VWA8: variants seen among roughly 807,000 people sequenced by gnomAD.
VWA8 encodes the protein von Willebrand factor A domain containing 8.
VWA8 carries 221 observed loss-of-function variants against 241.5 expected under a neutral mutation model. That is an observed-to-expected ratio of 0.91 (90% CI 0.82 to 1.02). The LOEUF (loss-of-function observed/expected upper bound fraction) is 1.02, where lower values mean the gene tolerates loss of function less well. VWA8 is among the 50% of genes least tolerant of loss of function. The pLI is 0.00. For synonymous variants in VWA8, 852 were observed against 827.1 expected, an observed-to-expected ratio of 1.03 and a Z score of -0.52; for missense variants, 2,322 against 2,328.7, an observed-to-expected ratio of 1.00 and a Z score of 0.06.
At chr13:41,842,962 C>A (rs1206440294) in intron 12 of VWA8, among the ~76,000 whole-genome samples, 1 of 152,178 alleles carries the variant, frequency 6.6e-6, no homozygotes, top group African/African-American at 2.4e-5. Context: ...CTGGTACTAC[C>A]ATTCCTTACT....
chr13:41,920,833 C>T (rs866959542), intron 2 of VWA8, among the ~76,000 whole-genome samples: 115 of 152,296 alleles, frequency 7.6e-4, no homozygotes, highest in African/African-American at 2.7e-3. Flanking sequence ...CAGATGGATT[C>T]ACAGCCAAAT....
At position 41,830,584 on chromosome 13, in the gene VWA8, T is replaced by C. The variant is rs757021872; in HGVS notation, c.1645A>G (p.Arg549Gly). 4 of 1,613,946 alleles carry C rather than the reference T, an allele frequency of 2.5e-6. No homozygotes were observed. The Admixed American group carries it at 5.0e-5, about 20-fold the overall frequency. ...AGCTCCTCCTTTAAACGCATATACC[T>C]GTCTTCTCTCAGCAGCCTAGAACCA... Reference protein sequence around the residue: ...YDGSRLLREDRYMRLKEELQL... With the variant: ...YDGSRLLREDGYMRLKEELQL... The change falls in exon 14 of 45, where the codon AGG (arginine) becomes GGG (glycine). Residue 549 changes from arginine to glycine, a missense_variant. Coordinates refer to ENST00000379310, the MANE Select transcript of VWA8 (RefSeq NM_015058.2).
At chr13:41,809,691 G>A (rs7984694) in intron 17 of VWA8, among the ~76,000 whole-genome samples, 3,184 of 152,172 alleles carry the variant, frequency 0.021, 106 homozygotes, top group African/African-American at 0.071. Context: ...CATTGGTCAG[G>A]ACAAATATTT....
At chr13:41,835,228 C>A (rs1871666645) in intron 12 of VWA8, among the ~76,000 whole-genome samples, 1 of 152,024 alleles carries the variant, frequency 6.6e-6, no homozygotes, top group African/African-American at 2.4e-5. Flanking sequence ...TGCACATGTA[C>A]CTCTGAACTC....
At chr13:41,819,128 A>C (rs980094793) in intron 15 of VWA8, 90 bp downstream of exon 15, 1 of 1,372,260 alleles carries the variant, frequency 7.3e-7, no homozygotes, top group African/African-American at 1.5e-5. Flanking sequence ...AAAAACTAAA[A>C]ATGTCTAACT....
intron 43 of VWA8, among the ~76,000 whole-genome samples, chr13:41,573,123 A>G (rs955265845): frequency 1.3e-5 from 2 of 150,440 alleles, no homozygotes; most frequent in South Asian, 2.1e-4. Flanking sequence ...AAAAAAAAAA[A>G]AAAAGAAACA....
intron 44 of VWA8, among the ~76,000 whole-genome samples, chr13:41,568,662 G>A (rs1305240836): frequency 2.0e-5 from 3 of 152,250 alleles, no homozygotes; most frequent in East Asian, 3.9e-4. Context: ...CTCACCTCCC[G>A]GGTCTAGCAA....
At chr13:41,671,801 G>T (rs73466947) in intron 36 of VWA8, among the ~76,000 whole-genome samples, 5,203 of 152,176 alleles carry the variant, frequency 0.034, 293 homozygotes, top group African/African-American at 0.12. Flanking sequence ...CCTTCACTAG[G>T]AACTGAATTG....
chr13:41,907,446 A>T (rs772896727), intron 4 of VWA8, 140 bp downstream of exon 4: 2 of 568,346 alleles, frequency 3.5e-6, no homozygotes, highest in Admixed American at 7.4e-5. Context: ...TGAAACTAAA[A>T]ATCTAAATTA....
chr13:41,749,793 G>T (rs1052947099), intron 21 of VWA8, among the ~76,000 whole-genome samples: 2 of 148,872 alleles, frequency 1.3e-5, no homozygotes, highest in Admixed American at 1.3e-4. Flanking sequence ...CTCATAGGTG[G>T]GAAATGAACA....
intron 37 of VWA8, among the ~76,000 whole-genome samples, chr13:41,635,860 G>C (rs2044753313): frequency 6.6e-6 from 1 of 152,128 alleles, no homozygotes; most frequent in African/African-American, 2.4e-5. Context: ...ATTTCAGGCA[G>C]AAGGAACAGC....
intron 2 of VWA8, among the ~76,000 whole-genome samples, chr13:41,924,926 T>A (rs1342108552): frequency 6.6e-6 from 1 of 152,192 alleles, no homozygotes; most frequent in Non-Finnish European, 1.5e-5. Flanking sequence ...CTTAAAAGTC[T>A]CCAAACAGAT....
At chr13:41,656,509 T>C (rs765284246) in intron 37 of VWA8, among the ~76,000 whole-genome samples, 5 of 152,220 alleles carry the variant, frequency 3.3e-5, no homozygotes, top group Non-Finnish European at 5.9e-5. Flanking sequence ...ACGAATTTCA[T>C]TCAGAACCCC....
chr13:41,870,155 A>AT (rs1451058788), intron 9 of VWA8, among the ~76,000 whole-genome samples: 12 of 152,168 alleles, frequency 7.9e-5, no homozygotes, highest in African/African-American at 2.4e-4. Flanking sequence ...AAAAAGTTCT[A>AT]TATTTCATAC....
chr13:41,591,236 A>G (rs1052234082), intron 40 of VWA8, among the ~76,000 whole-genome samples: 2 of 152,240 alleles, frequency 1.3e-5, no homozygotes, highest in Non-Finnish European at 2.9e-5. Context: ...AGCTGAAAAC[A>G]ATAGTATGTG....
At chr13:41,762,349 A>C (rs998358503) in intron 20 of VWA8, among the ~76,000 whole-genome samples, 1 of 152,096 alleles carries the variant, frequency 6.6e-6, no homozygotes, top group Non-Finnish European at 1.5e-5. Flanking sequence ...CAACCTCACA[A>C]ATCAAGAAAC....
intron 21 of VWA8, among the ~76,000 whole-genome samples, chr13:41,750,357 C>T (rs186000453): frequency 5.3e-5 from 8 of 151,486 alleles, no homozygotes; most frequent in South Asian, 2.1e-4. Flanking sequence ...TGCTTGAACC[C>T]GGGAGGTGGA....
At chr13:41,811,800 C>G (rs1212992666) in intron 16 of VWA8, among the ~76,000 whole-genome samples, 1 of 152,174 alleles carries the variant, frequency 6.6e-6, no homozygotes, top group Admixed American at 6.5e-5. Flanking sequence ...ACAGAGGTGT[C>G]AACCAATTTG....
intron 21 of VWA8, among the ~76,000 whole-genome samples, chr13:41,749,118 G>T (rs1002858040): frequency 2.0e-5 from 3 of 152,062 alleles, no homozygotes; most frequent in African/African-American, 7.2e-5. Context: ...ATCTGACAAA[G>T]GGCTAATATC....
Sources: gnomAD v4.1 joint callset for allele counts (sites outside exome capture counted in the v4.1 genomes callset) on GRCh38, gnomAD v4.1.1 for gene constraint, MANE v1.5 for transcripts, NCBI Gene and HGNC (gene_info 2026-07-23, HGNC 2026-07-21) for gene names.